The following EXOC4 variants were observed in gnomAD, a reference collection of about 807,000 sequenced individuals.
EXOC4 encodes exocyst complex component 4.
EXOC4 carries 71 observed loss-of-function variants against 107.2 expected under a neutral mutation model. The observed-to-expected ratio is 0.66, with a 90% CI of 0.55 to 0.81. The LOEUF is 0.81. Among genes scored for constraint, EXOC4 ranks in the 30% least tolerant of loss-of-function variants. EXOC4 has a pLI of 0.00. For missense variants in EXOC4, 1,108 were observed against 1,189.6 expected (o/e 0.93, Z 1.01); for synonymous variants, 456 against 441.2 (o/e 1.03, Z -0.42).
At chr7:133,353,914 G>A (rs554119911) in intron 5 of EXOC4, among the ~76,000 whole-genome samples, 6 of 151,070 alleles carry the variant, frequency 4.0e-5, no homozygotes, top group Non-Finnish European at 7.4e-5. Flanking sequence ...TCCCTCTAGT[G>A]CATTTTTCAT....
chr7:133,342,657 A>G (rs188243536), intron 5 of EXOC4, among the ~76,000 whole-genome samples: 52 of 149,288 alleles, frequency 3.5e-4, no homozygotes, highest in East Asian at 1.9e-3. Context: ...AGGAACACCA[A>G]TTAATTTTAG....
intron 7 of EXOC4, among the ~76,000 whole-genome samples, chr7:133,388,912 A>G (rs1201322882): frequency 6.6e-6 from 1 of 152,176 alleles, no homozygotes; most frequent in Non-Finnish European, 1.5e-5. Context: ...AAAATTTTCC[A>G]CAGTGTGGCT....
At chr7:133,853,345 AACAC>A (rs59000979) in intron 11 of EXOC4, among the ~76,000 whole-genome samples, 15,346 of 114,728 alleles carry the variant, frequency 0.13, 1,078 homozygotes, top group East Asian at 0.22. Flanking sequence ...CTCTCTCTTT[AACAC>A]ACACACACAC....
chr7:133,626,193 C>A (rs1329224022), intron 9 of EXOC4, among the ~76,000 whole-genome samples: 2 of 150,630 alleles, frequency 1.3e-5, no homozygotes, highest in Admixed American at 6.6e-5. Context: ...GGGAACAGAG[C>A]AAGACTCCAT....
intron 9 of EXOC4, among the ~76,000 whole-genome samples, chr7:133,609,506 C>T (rs1802028939): frequency 6.6e-6 from 1 of 152,118 alleles, no homozygotes. Flanking sequence ...ACAGGGAATA[C>T]GTAGAAGTCA....
At position 133,447,276 on chromosome 7, in the gene EXOC4, TC is replaced by T. The variant is rs1424160915; in HGVS notation, c.1183-28051del. ...ACATTGTTTTAGGCAATCAAAGACT[TC>T]TGCTTGCTTTTTCCTAACTAGGATA... On this transcript the variant is annotated intron_variant, in intron 7 of 17. Transcript: ENST00000253861. 4.6e-5 allele frequency: 7 copies of T among 152,264 alleles called. 1 individual carries two copies. In the Middle Eastern group the frequency reaches 0.01, roughly 222 times the overall value. The allele number at this position is 152,264 out of a possible 1,614,324, so 9.4% of individuals were successfully genotyped here. A position where few individuals can be genotyped will look rare whatever the true frequency, so the allele number is the denominator to read the frequency against.
intron 7 of EXOC4, among the ~76,000 whole-genome samples, chr7:133,473,945 C>G (rs1798946381): frequency 6.6e-6 from 1 of 152,080 alleles, no homozygotes; most frequent in Non-Finnish European, 1.5e-5. Context: ...CGTGATCTGC[C>G]TGCCTCGGCC....
At chr7:134,048,550 C>CA (rs1795708351) in intron 17 of EXOC4, among the ~76,000 whole-genome samples, 1 of 152,202 alleles carries the variant, frequency 6.6e-6, no homozygotes, top group Admixed American at 6.5e-5. Flanking sequence ...CCCCCTCCCT[C>CA]ACATTTCAAC....
At chr7:133,873,396 G>C (rs1798788946) in intron 11 of EXOC4, among the ~76,000 whole-genome samples, 1 of 152,144 alleles carries the variant, frequency 6.6e-6, no homozygotes, top group South Asian at 2.1e-4. Context: ...CTAGAGGATG[G>C]TTCACAAAAG....
At chr7:134,020,870 C>T (rs953072911) in intron 17 of EXOC4, among the ~76,000 whole-genome samples, 4 of 151,972 alleles carry the variant, frequency 2.6e-5, no homozygotes, top group Non-Finnish European at 5.9e-5. Context: ...CCTGTAGTCC[C>T]AGCTACTTGG....
At chr7:133,898,086 C>G (rs1799362133) in intron 12 of EXOC4, among the ~76,000 whole-genome samples, 1 of 147,782 alleles carries the variant, frequency 6.8e-6, no homozygotes. Flanking sequence ...CTTTTAGAGT[C>G]CCCATATAAG....
At position 133,831,122 on chromosome 7, in the gene EXOC4, G is replaced by A. The variant is rs182517227; in HGVS notation, c.1734+13578G>A. ...TGGGATTACAGGCACCCGCCACCAC[G>A]CCTAGCTAATTTTTGTATTTTTAGT... On this transcript the variant is annotated intron_variant, in intron 11 of 17. Coordinates refer to ENST00000253861, the MANE Select transcript of EXOC4 (RefSeq NM_021807.4). 5.3e-5 allele frequency among the ~76,000 whole-genome samples: 8 copies of A among 152,106 alleles called. No homozygotes were observed. In the East Asian group the frequency reaches 7.7e-4, roughly 15 times the overall value.
the EXOC4 span, among the ~76,000 whole-genome samples, chr7:134,086,174 G>A: frequency 1.4e-4 from 21 of 152,298 alleles, no homozygotes; most frequent in South Asian, 4.2e-4. Flanking sequence ...AGAATTTGTC[G>A]AGGAAAGTTA....
At chr7:133,635,758 C>T (rs150940678) in intron 10 of EXOC4, among the ~76,000 whole-genome samples, 125 of 152,266 alleles carry the variant, frequency 8.2e-4, no homozygotes, top group African/African-American at 2.8e-3. Flanking sequence ...GGAACAAGTA[C>T]ACCCTGGCCC....
intron 10 of EXOC4, among the ~76,000 whole-genome samples, chr7:133,801,843 A>G (rs958221378): frequency 1.4e-4 from 21 of 152,198 alleles, no homozygotes; most frequent in African/African-American, 4.6e-4. Flanking sequence ...TAACACACCA[A>G]TAATACAAGC....
chr7:133,303,677 T>C (rs1365474729), intron 3 of EXOC4, among the ~76,000 whole-genome samples: 1 of 152,210 alleles, frequency 6.6e-6, no homozygotes, highest in Non-Finnish European at 1.5e-5. Context: ...CTCTTTCCTC[T>C]TTTGTGGTAA....
chr7:133,276,614 G>C (rs1793999290), intron 2 of EXOC4, among the ~76,000 whole-genome samples: 1 of 152,076 alleles, frequency 6.6e-6, no homozygotes, highest in Non-Finnish European at 1.5e-5. Flanking sequence ...CCTCTTCTTT[G>C]GTTTTGGGGT....
chr7:134,089,588 G>T, the EXOC4 span, among the ~76,000 whole-genome samples: 4 of 152,094 alleles, frequency 2.6e-5, no homozygotes, highest in Admixed American at 6.5e-5. Flanking sequence ...CATCATAGTG[G>T]TATTCTATGA....
chr7:133,920,852 A>G (rs1563057658), intron 13 of EXOC4, among the ~76,000 whole-genome samples: 2 of 152,210 alleles, frequency 1.3e-5, no homozygotes, highest in Admixed American at 1.3e-4. Flanking sequence ...TACTGGCAGC[A>G]AATTCCTTCA....
Sources: gnomAD v4.1 joint callset for allele counts (sites outside exome capture counted in the v4.1 genomes callset) on GRCh38, gnomAD v4.1.1 for gene constraint, MANE v1.5 for transcripts, NCBI Gene and HGNC (gene_info 2026-07-23, HGNC 2026-07-21) for gene names.